Variants in ST3GAL3 observed in about 807,000 individuals in gnomAD.
ST3GAL3 encodes the protein CMP-N-acetylneuraminate-beta-1,4-galactoside alpha-2,3-sialyltransferase.
ST3GAL3 carries 21 observed loss-of-function variants against 50.1 expected under a neutral mutation model. The ratio of observed to expected loss-of-function variants is 0.42; its 90% CI spans 0.30 to 0.60. The LOEUF (loss-of-function observed/expected upper bound fraction) is 0.60, where lower values mean the gene tolerates loss of function less well. Ranked by LOEUF, ST3GAL3 falls within the 20% of genes least tolerant of loss-of-function variation. The pLI is 0.19. For synonymous variants in ST3GAL3, 183 were observed against 190.0 expected (o/e 0.96, Z 0.30); for missense variants, 353 against 489.4 (o/e 0.72, Z 2.63).
intron 5 of ST3GAL3, among the ~76,000 whole-genome samples, chr1:43,871,508 G>C (rs2072736531): frequency 7.1e-6 from 1 of 140,602 alleles, no homozygotes; most frequent in Admixed American, 7.0e-5. Flanking sequence ...AGGATGGGGT[G>C]TGAGGGAGAG....
chr1:43,911,292 A>C (rs1571286536), intron 9 of ST3GAL3: 1 of 147,124 alleles, frequency 6.8e-6, no homozygotes. Context: ...ATAGGTGCAC[A>C]CCCACCACAC....
chr1:43,748,661 A>G (rs1044179894), intron 2 of ST3GAL3, among the ~76,000 whole-genome samples: 6 of 152,150 alleles, frequency 3.9e-5, no homozygotes, highest in African/African-American at 1.4e-4. Flanking sequence ...GTTGTCAAAC[A>G]GTCCTCCCAC....
chr1:43,750,503 T>A (rs1473150670), intron 2 of ST3GAL3, among the ~76,000 whole-genome samples: 1 of 152,098 alleles, frequency 6.6e-6, no homozygotes, highest in Non-Finnish European at 1.5e-5. Context: ...TATAAAGAAC[T>A]AAATTAAAGT....
intron 3 of ST3GAL3, among the ~76,000 whole-genome samples, chr1:43,812,014 C>A (rs2060618871): frequency 6.6e-6 from 1 of 152,160 alleles, no homozygotes; most frequent in Non-Finnish European, 1.5e-5. Flanking sequence ...ACCTTATAGA[C>A]CCGGCTAAAA....
At chr1:43,824,085 A>G (rs923010141) in intron 4 of ST3GAL3, among the ~76,000 whole-genome samples, 1 of 152,250 alleles carries the variant, frequency 6.6e-6, no homozygotes, top group Non-Finnish European at 1.5e-5. Context: ...GTTTATGTGC[A>G]TAGTAAATAT....
At chr1:43,914,567 A>G (rs2081471948) in intron 9 of ST3GAL3, 1 of 152,218 alleles carries the variant, frequency 6.6e-6, no homozygotes, top group Non-Finnish European at 1.5e-5. Context: ...ATCGTGTCGT[A>G]TCGTTTCACC....
chr1:43,792,662 C>G (rs2058222891), intron 3 of ST3GAL3, among the ~76,000 whole-genome samples: 2 of 152,166 alleles, frequency 1.3e-5, no homozygotes, highest in Non-Finnish European at 2.9e-5. Flanking sequence ...GTACTCATGC[C>G]AAAATGCATG....
intron 5 of ST3GAL3, among the ~76,000 whole-genome samples, chr1:43,862,521 T>C (rs888971076): frequency 3.9e-5 from 6 of 152,104 alleles, no homozygotes; most frequent in African/African-American, 1.4e-4. Context: ...CGGGTCCTAC[T>C]GACCTAGTTG....
At chr1:43,755,751 G>A (rs1687799749) in intron 2 of ST3GAL3, among the ~76,000 whole-genome samples, 1 of 152,118 alleles carries the variant, frequency 6.6e-6, no homozygotes, top group African/African-American at 2.4e-5. Flanking sequence ...GAAAGATACA[G>A]ACAAAGGTTT....
intron 2 of ST3GAL3, chr1:43,738,682 G>C (rs952523913): frequency 6.6e-6 from 1 of 152,116 alleles, no homozygotes; most frequent in African/African-American, 2.4e-5. Flanking sequence ...GTCTTTTGTA[G>C]AGATGGGGTT....
chr1:43,747,296 C>T (rs1161524299), intron 2 of ST3GAL3, among the ~76,000 whole-genome samples: 3 of 151,816 alleles, frequency 2.0e-5, no homozygotes, highest in African/African-American at 7.2e-5. Flanking sequence ...CCTGTAATCC[C>T]AGCTACTCGG....
At chr1:43,865,911 C>T (rs72888735) in intron 5 of ST3GAL3, among the ~76,000 whole-genome samples, 5,017 of 152,216 alleles carry the variant, frequency 0.033, 310 homozygotes, top group African/African-American at 0.12. Flanking sequence ...GGATTGGTGC[C>T]GTAAGTGTCA....
chr1:43,923,443 G>C (rs1022250262), intron 11 of ST3GAL3, among the ~76,000 whole-genome samples: 1 of 152,012 alleles, frequency 6.6e-6, no homozygotes, highest in African/African-American at 2.4e-5. Flanking sequence ...CCATAGTCTG[G>C]GTGGCTTTTA....
chr1:43,788,261 A>G (rs980711698), intron 2 of ST3GAL3, among the ~76,000 whole-genome samples: 2 of 152,352 alleles, frequency 1.3e-5, no homozygotes, highest in East Asian at 1.9e-4. Flanking sequence ...AAAGTTTAAA[A>G]GAGACTTTAT....
intron 10 of ST3GAL3, 31 bp from the exon 11 acceptor site, chr1:43,920,751 G>T: frequency 6.2e-7 from 1 of 1,614,148 alleles, no homozygotes; most frequent in Non-Finnish European, 8.5e-7. Flanking sequence ...AACTCTGCAT[G>T]CCTTCTCTCA....
At chr1:43,760,986 A>G (rs7520053) in intron 2 of ST3GAL3, among the ~76,000 whole-genome samples, 49,151 of 152,148 alleles carry the variant, frequency 0.32, 8,259 homozygotes, top group African/African-American at 0.41. Flanking sequence ...CACATATTTA[A>G]TGGTTTCACT....
rs80341081 is a variant in ST3GAL3, at chr1:43,855,173, C to T, written c.302+16862C>T. The stretch of plus-strand genomic sequence containing the variant: ...TCCACTGGCAGACACAGATAACCCA[C>T]GCACATAAAGTGTCACGCCATTTTT... On this transcript the variant is annotated intron_variant, in intron 5 of 11. Coordinates refer to ENST00000347631, the MANE Select transcript of ST3GAL3 (RefSeq NM_006279.5). Among the ~76,000 whole-genome samples the T allele has an allele frequency of 1.0e-3, 159 of 152,322 alleles. 2 individuals are homozygous for T. The highest frequency in any genetic ancestry group is 3.6e-3 in the African/African-American group (148 of 41,560).
intron 3 of ST3GAL3, among the ~76,000 whole-genome samples, chr1:43,795,194 A>T (rs1164948925): frequency 6.6e-6 from 1 of 152,234 alleles, no homozygotes; most frequent in African/African-American, 2.4e-5. Context: ...GGAGTTATAA[A>T]AAGATCTTGG....
intron 4 of ST3GAL3, among the ~76,000 whole-genome samples, chr1:43,828,885 A>G (rs2063165837): frequency 6.6e-6 from 1 of 152,228 alleles, no homozygotes; most frequent in African/African-American, 2.4e-5. Flanking sequence ...AAGTGAACAT[A>G]ATATGTTCTA....
Sources: allele counts gnomAD v4.1 joint callset (sites outside exome capture counted in the v4.1 genomes callset), GRCh38; gene constraint gnomAD v4.1.1; transcripts MANE v1.5; gene names NCBI Gene and HGNC (gene_info 2026-07-23, HGNC 2026-07-21).